The following ARHGAP24 variants were observed in gnomAD, a reference collection of about 807,000 sequenced individuals.
ARHGAP24 encodes the protein rho GTPase-activating protein 24.
ARHGAP24 carries 50 observed loss-of-function variants against 76.4 expected under a neutral mutation model. The observed-to-expected ratio is 0.65, with a 90% confidence interval of 0.52 to 0.83. The LOEUF is 0.83. Ranked by LOEUF, ARHGAP24 falls within the 40% of genes least tolerant of loss-of-function variation. The pLI is 0.00. For missense variants in ARHGAP24, 930 were observed against 914.2 expected, an observed-to-expected ratio of 1.02 and a Z score of -0.22; for synonymous variants, 345 against 323.3, an observed-to-expected ratio of 1.07 and a Z score of -0.72.
At chr4:85,969,926 A>G (rs1738874559) in intron 5 of ARHGAP24, among the ~76,000 whole-genome samples, 1 of 152,180 alleles carries the variant, frequency 6.6e-6, no homozygotes. Context: ...TATAGTGTTT[A>G]TCAGTTCAGA....
chr4:85,487,508 A>G (rs1295700814), intron 1 of ARHGAP24, among the ~76,000 whole-genome samples: 1 of 109,242 alleles, frequency 9.2e-6, no homozygotes, highest in Non-Finnish European at 1.6e-5. Flanking sequence ...ATTACATATT[A>G]TATAAACATA....
At chr4:85,571,240 A>G (rs146657850) in intron 2 of ARHGAP24, among the ~76,000 whole-genome samples, 3 of 152,210 alleles carry the variant, frequency 2.0e-5, no homozygotes, top group African/African-American at 4.8e-5. Context: ...TAATGTACCA[A>G]TCCTTCTGTG....
At chr4:85,557,847 A>G (rs1726450260) in intron 1 of ARHGAP24, among the ~76,000 whole-genome samples, 1 of 152,148 alleles carries the variant, frequency 6.6e-6, no homozygotes, top group South Asian at 2.1e-4. Flanking sequence ...TCTTTTGATG[A>G]GCACATATTT....
At chr4:85,684,385 A>AT (rs922060451) in intron 2 of ARHGAP24, among the ~76,000 whole-genome samples, 2 of 151,874 alleles carry the variant, frequency 1.3e-5, no homozygotes, top group African/African-American at 2.4e-5. Context: ...TTACATTTTA[A>AT]TTTTTTTTAA....
intron 3 of ARHGAP24, among the ~76,000 whole-genome samples, chr4:85,827,517 T>TGTGTGTGTGTGTGTGTG (rs1553933033): frequency 6.7e-4 from 84 of 126,270 alleles, no homozygotes; most frequent in Non-Finnish European, 7.9e-4. Context: ...TGTGTGTGTG[T>TGTGTGTGTGTGTGTGTG]TTAGAGAGAG....
intron 3 of ARHGAP24, among the ~76,000 whole-genome samples, chr4:85,742,854 T>A (rs1725876192): frequency 6.6e-6 from 1 of 152,230 alleles, no homozygotes; most frequent in African/African-American, 2.4e-5. Context: ...ACATAGGTTA[T>A]AAGCAACAGA....
chr4:85,564,834 C>CTGTGTGGCCAGTTT (rs1553914944), intron 1 of ARHGAP24, among the ~76,000 whole-genome samples: 1 of 148,468 alleles, frequency 6.7e-6, no homozygotes, highest in East Asian at 2.0e-4. Flanking sequence ...TCACCTCCTG[C>CTGTGTGGCCAGTTT]TGTGTGGCCC....
intron 3 of ARHGAP24, among the ~76,000 whole-genome samples, chr4:85,843,211 A>G (rs374903947): frequency 1.2e-4 from 18 of 152,344 alleles, no homozygotes; most frequent in African/African-American, 4.3e-4. Context: ...CTACCATTAA[A>G]ATGCCACATT....
intron 2 of ARHGAP24, among the ~76,000 whole-genome samples, chr4:85,618,816 A>ATT (rs2110001559): frequency 6.6e-6 from 1 of 151,998 alleles, no homozygotes; most frequent in Non-Finnish European, 1.5e-5. Flanking sequence ...CCCGTTTTTA[A>ATT]TTGAGTAATT....
intron 3 of ARHGAP24, among the ~76,000 whole-genome samples, chr4:85,750,238 G>A (rs1726206492): frequency 6.6e-6 from 1 of 152,160 alleles, no homozygotes; most frequent in African/African-American, 2.4e-5. Context: ...AAATCAGGGA[G>A]TTGTGATATG....
chr4:85,582,409 G>GT (rs962179401), intron 2 of ARHGAP24, among the ~76,000 whole-genome samples: 25 of 151,964 alleles, frequency 1.6e-4, no homozygotes, highest in Non-Finnish European at 2.9e-4. Context: ...TGTTATCTCC[G>GT]TTTTTGACTC....
intron 5 of ARHGAP24, among the ~76,000 whole-genome samples, chr4:85,962,170 G>A (rs1738297624): frequency 6.6e-6 from 1 of 151,990 alleles, no homozygotes; most frequent in African/African-American, 2.4e-5. Context: ...TGAAGTCTCA[G>A]GCGTACATTA....
chr4:85,911,567 T>G (rs1440573897), intron 3 of ARHGAP24, among the ~76,000 whole-genome samples: 1 of 152,228 alleles, frequency 6.6e-6, no homozygotes, highest in Non-Finnish European at 1.5e-5. Flanking sequence ...AAGTGGATGC[T>G]TATGAGAACA....
At chr4:85,636,853 A>G (rs1410626309) in intron 2 of ARHGAP24, among the ~76,000 whole-genome samples, 1 of 151,764 alleles carries the variant, frequency 6.6e-6, no homozygotes, top group African/African-American at 2.4e-5. Flanking sequence ...TCCAAACCAA[A>G]CTGTAGGCTC....
chr4:85,974,165 C>T, intron 6 of ARHGAP24, among the ~76,000 whole-genome samples: 1 of 151,932 alleles, frequency 6.6e-6, no homozygotes, highest in African/African-American at 2.4e-5. Flanking sequence ...CTAACTGCTG[C>T]CTATTTTTAT....
intron 2 of ARHGAP24, among the ~76,000 whole-genome samples, chr4:85,597,675 T>G (rs1578066132): frequency 6.6e-6 from 1 of 151,998 alleles, no homozygotes; most frequent in East Asian, 1.9e-4. Flanking sequence ...AGACATTAAA[T>G]AAATGTTTGC....
At chr4:85,682,655 A>C (rs576458920) in intron 2 of ARHGAP24, among the ~76,000 whole-genome samples, 1 of 152,356 alleles carries the variant, frequency 6.6e-6, no homozygotes, top group African/African-American at 2.4e-5. Context: ...AAAGTTGAAT[A>C]ATCAAGAGCA....
intron 2 of ARHGAP24, among the ~76,000 whole-genome samples, chr4:85,708,669 G>A (rs1180924888): frequency 6.6e-6 from 1 of 152,174 alleles, no homozygotes; most frequent in Non-Finnish European, 1.5e-5. Context: ...GGAGGCTGAT[G>A]TCAAGAAGTC....
intron 8 of ARHGAP24, chr4:85,991,382 A>G (rs1217565616): frequency 6.6e-6 from 1 of 152,266 alleles, no homozygotes; most frequent in East Asian, 1.9e-4. Flanking sequence ...AAAAGAAAAC[A>G]TATGTTCACC....
Sources: gnomAD v4.1 joint callset for allele counts (sites outside exome capture counted in the v4.1 genomes callset) on GRCh38, gnomAD v4.1.1 for gene constraint, MANE v1.5 for transcripts, NCBI Gene and HGNC (gene_info 2026-07-23, HGNC 2026-07-21) for gene names.